ANKRD6: variants seen among roughly 807,000 people sequenced by gnomAD.
The protein encoded by ANKRD6 is ankyrin repeat domain-containing protein 6.
ANKRD6 carries 56 observed loss-of-function variants against 82.3 expected under a neutral mutation model. The observed-to-expected ratio is 0.68, with a 90% confidence interval of 0.55 to 0.85. The LOEUF is 0.85. Among genes scored for constraint, ANKRD6 ranks in the 40% least tolerant of loss-of-function variants. The pLI, the probability that ANKRD6 is intolerant of heterozygous loss-of-function variation, is 0.00. For missense variants in ANKRD6, 852 were observed against 907.6 expected, an observed-to-expected ratio of 0.94 and a Z score of 0.79; for synonymous variants, 347 against 352.1, an observed-to-expected ratio of 0.99 and a Z score of 0.16.
chr6:89,631,065 T>G lies in ANKRD6; in HGVS notation c.*61T>G. 6.9e-7 allele frequency: 1 copy of G among 1,450,594 alleles called. No individual in the cohort carries two copies. Among genetic ancestry groups the G allele is most frequent in the Non-Finnish European group, 9.0e-7 (1 of 1,107,644 alleles). 89.9% of individuals were successfully genotyped at this position (1,450,594 alleles called of 1,614,324 possible). ...GATTTCCAGTTTTGCAACTGCATAA[T>G]AGCTATGCCCAAGGAGTCAACTATT... On this transcript the variant is annotated 3_prime_UTR_variant, in exon 16 of 16. Coordinates refer to ENST00000339746, the MANE Select transcript of ANKRD6 (RefSeq NM_001242809.2).
chr6:89,471,839 C>T (rs989246322), intron 1 of ANKRD6, among the ~76,000 whole-genome samples: 1 of 145,510 alleles, frequency 6.9e-6, no homozygotes, highest in East Asian at 2.1e-4. Context: ...GGAGGGAGGC[C>T]GAGGCAGGAG....
chr6:89,434,046 A>G (rs1770308013), intron 1 of ANKRD6, among the ~76,000 whole-genome samples: 1 of 152,136 alleles, frequency 6.6e-6, no homozygotes, highest in South Asian at 2.1e-4. Context: ...AGGGACTTGA[A>G]TGTCTCAAAG....
At chr6:89,532,709 CTTT>C (rs938399897) in intron 1 of ANKRD6, among the ~76,000 whole-genome samples, 1 of 147,718 alleles carries the variant, frequency 6.8e-6, no homozygotes, top group Non-Finnish European at 1.5e-5. Context: ...ATTTTTTTTT[CTTT>C]TTTTTTTGAG....
chr6:89,607,980 C>G (rs1392186797), intron 5 of ANKRD6, among the ~76,000 whole-genome samples: 2 of 112,224 alleles, frequency 1.8e-5, no homozygotes, highest in African/African-American at 7.1e-5. Context: ...ACCATGTTGG[C>G]CAGGCTGGTC....
chr6:89,512,010 C>T (rs2127942334), intron 1 of ANKRD6, among the ~76,000 whole-genome samples: 1 of 152,026 alleles, frequency 6.6e-6, no homozygotes, highest in African/African-American at 2.4e-5. Flanking sequence ...AACTCCTGGG[C>T]TTAGGTGATC....
At chr6:89,543,562 A>G (rs1295049698) in intron 1 of ANKRD6, among the ~76,000 whole-genome samples, 1 of 152,110 alleles carries the variant, frequency 6.6e-6, no homozygotes, top group Non-Finnish European at 1.5e-5. Context: ...CCCTTTCCCC[A>G]GCACCCGCCT....
intron 3 of ANKRD6, chr6:89,598,144 T>G: frequency 1.0e-6 from 1 of 985,398 alleles, no homozygotes; most frequent in Non-Finnish European, 1.2e-6. Flanking sequence ...AAGAATGACC[T>G]CCAGTGGCCT....
chr6:89,617,010 C>A, intron 8 of ANKRD6: 1 of 468,618 alleles, frequency 2.1e-6, no homozygotes, highest in Non-Finnish European at 4.2e-6. Flanking sequence ...CCACATGGCC[C>A]TCAGTTTAGT....
chr6:89,477,823 A>T (rs942130419), intron 1 of ANKRD6, among the ~76,000 whole-genome samples: 1 of 152,054 alleles, frequency 6.6e-6, no homozygotes, highest in Non-Finnish European at 1.5e-5. Flanking sequence ...AGTTGAAAAA[A>T]ATTTTTTTAA....
chr6:89,439,667 A>G (rs1363471138), intron 1 of ANKRD6, among the ~76,000 whole-genome samples: 1 of 152,154 alleles, frequency 6.6e-6, no homozygotes, highest in Non-Finnish European at 1.5e-5. Flanking sequence ...GGCCCAAATA[A>G]TTAAAATTTA....
intron 1 of ANKRD6, among the ~76,000 whole-genome samples, chr6:89,527,863 A>G (rs1029924887): frequency 6.6e-6 from 1 of 152,088 alleles, no homozygotes; most frequent in Non-Finnish European, 1.5e-5. Context: ...AGGCGGGAGT[A>G]TAATAGCGCA....
intron 1 of ANKRD6, among the ~76,000 whole-genome samples, chr6:89,484,344 A>AT (rs533171111): frequency 3.3e-5 from 5 of 151,926 alleles, no homozygotes; most frequent in South Asian, 2.1e-4. Flanking sequence ...CTGTGGGCTT[A>AT]TTTTTTTTAT....
Position 89,603,962 on chromosome 6 carries a change from A to G in ANKRD6, c.318+835A>G, listed in dbSNP as rs116397382. On this transcript the variant is annotated intron_variant, in intron 4 of 15. Coordinates refer to ENST00000339746, the MANE Select transcript of ANKRD6 (RefSeq NM_001242809.2). The stretch of plus-strand genomic sequence containing the variant: ...AGCTGCAGTGAGCCATGACTGCATC[A>G]CTGCATTCCAGCCTGGACGACAGAG... Among the ~76,000 whole-genome samples, 305 of 152,354 alleles carry G rather than the reference A, an allele frequency of 2.0e-3. 1 individual carries two copies. The highest frequency in any genetic ancestry group is 7.2e-3 in the African/African-American group (301 of 41,594).
At chr6:89,509,094 C>T (rs1780218687) in intron 1 of ANKRD6, 1 of 152,242 alleles carries the variant, frequency 6.6e-6, no homozygotes, top group Non-Finnish European at 1.5e-5. Context: ...GACTGTGCAC[C>T]CTCCCACTCT....
intron 1 of ANKRD6, among the ~76,000 whole-genome samples, chr6:89,509,888 A>G (rs940473392): frequency 3.3e-5 from 5 of 152,226 alleles, no homozygotes; most frequent in African/African-American, 1.2e-4. Context: ...TTCACAATCC[A>G]TGTTCTTAAC....
At chr6:89,440,806 GAA>G (rs34990951) in intron 1 of ANKRD6, among the ~76,000 whole-genome samples, 1 of 139,484 alleles carries the variant, frequency 7.2e-6, no homozygotes. Context: ...ATCCCATCTC[GAA>G]AAAAAAAAAA....
intron 1 of ANKRD6, among the ~76,000 whole-genome samples, chr6:89,527,800 ATTTTGTTT>A (rs1270944048): frequency 4.0e-5 from 6 of 151,590 alleles, no homozygotes; most frequent in Admixed American, 2.6e-4. Context: ...TGCTATGGCA[ATTTTGTTT>A]TTTTGTTTTG....
At chr6:89,439,232 G>C (rs1028351298) in intron 1 of ANKRD6, among the ~76,000 whole-genome samples, 4 of 152,112 alleles carry the variant, frequency 2.6e-5, no homozygotes, top group Non-Finnish European at 2.9e-5. Context: ...AGAAAGATTA[G>C]CAAAGAACAA....
chr6:89,548,631 A>G (rs955963465), intron 1 of ANKRD6, among the ~76,000 whole-genome samples: 11 of 152,254 alleles, frequency 7.2e-5, no homozygotes, highest in African/African-American at 2.7e-4. Context: ...AGGTATGAAA[A>G]TAAAGTAGAT....
Sources: allele counts gnomAD v4.1 joint callset (sites outside exome capture counted in the v4.1 genomes callset), GRCh38; gene constraint gnomAD v4.1.1; transcripts MANE v1.5; gene names NCBI Gene and HGNC (gene_info 2026-07-23, HGNC 2026-07-21).